RTCB: variants seen among roughly 807,000 people sequenced by gnomAD.
RTCB encodes RNA-splicing ligase RTCB.
Under a neutral mutation model 58.2 loss-of-function variants are expected in RTCB, and 32 were observed. That is an observed-to-expected ratio of 0.55 (90% CI 0.41 to 0.74). The LOEUF is 0.74. Among genes scored for constraint, RTCB ranks in the 30% least tolerant of loss-of-function variants. RTCB has a pLI of 0.00. For missense variants in RTCB, 523 were observed against 639.0 expected (o/e 0.82, Z 1.96); for synonymous variants, 247 against 218.6 (o/e 1.13, Z -1.15).
rs1431111447 is a variant in RTCB at position 32,395,067 on chromosome 22, C to T, written c.1138G>A (p.Ala380Thr). Reference protein sequence around the residue: ...LLVHRKGSTRAFPPHHPLIAV... With the variant: ...LLVHRKGSTRTFPPHHPLIAV... ...ATGAGGGGATGGTGAGGAGGGAAAG[C>T]GCGGGTGGATCCCTTCCTGTGTACT... The change falls in exon 9 of 12, where the codon GCT becomes ACT. Residue 380 changes from alanine to threonine, a missense_variant. Around this residue, in one of 3 missense-constraint regions of RTCB, gnomAD observed 248 missense variants for 292.5 expected, o/e 0.85. Transcript: ENST00000216038. The T allele has an allele frequency of 6.8e-6, 11 of 1,614,012 alleles. No homozygotes were observed. The East Asian group carries it at 1.1e-4, about 16-fold the overall frequency.
chr22:32,406,036 C>CA (rs1452077646), intron 4 of RTCB, among the ~76,000 whole-genome samples: 1 of 152,036 alleles, frequency 6.6e-6, no homozygotes, highest in African/African-American at 2.4e-5. Flanking sequence ...ACTGTGTGGT[C>CA]ATTAACATTA....
At chr22:32,404,941 C>A (rs80263097) in intron 4 of RTCB, among the ~76,000 whole-genome samples, 4 of 152,166 alleles carry the variant, frequency 2.6e-5, no homozygotes, top group Admixed American at 1.3e-4. Flanking sequence ...CCCGCCTTGG[C>A]CTCCCAAAGT....
At position 32,406,567 on chromosome 22, in the gene RTCB, C is replaced by T. The variant is rs976703595; in HGVS notation, c.340+95G>A. 43 of 740,504 alleles carry T rather than the reference C, an allele frequency of 5.8e-5. 1 individual carries two copies. The highest frequency in any genetic ancestry group is 5.0e-4 in the Middle Eastern group (2 of 3,982). The allele number at this position is 740,504 out of a possible 1,614,324, so 45.9% of individuals were successfully genotyped here. Reference sequence around the variant, plus strand: ...TGATCTCTTGACCTCATGATCCACCCGCCTCGGCCTCCCAAAGTGCTGGGA... The same window carrying T: ...TGATCTCTTGACCTCATGATCCACCTGCCTCGGCCTCCCAAAGTGCTGGGA... On this transcript the variant is annotated intron_variant, in intron 4 of 11. Transcript: ENST00000216038.
At chr22:32,401,295 C>T (rs1933332060) in intron 5 of RTCB, among the ~76,000 whole-genome samples, 1 of 151,770 alleles carries the variant, frequency 6.6e-6, no homozygotes, top group Admixed American at 6.6e-5. Flanking sequence ...TCTATGTTGC[C>T]TAGGTTCATC....
In RTCB at chr22:32,387,821, A is replaced by C. The variant is rs914213120; in HGVS notation, c.*171T>G. 2 of 549,910 alleles carry C rather than the reference A, an allele frequency of 3.6e-6. No individual in the cohort carries two copies. The highest frequency in any genetic ancestry group is 3.8e-5 in the African/African-American group (2 of 53,138). 34.1% of individuals were successfully genotyped at this position (549,910 alleles called of 1,614,324 possible). A position where few individuals can be genotyped will look rare whatever the true frequency, so the allele number is the denominator to read the frequency against. On this transcript the variant is annotated 3_prime_UTR_variant, in exon 12 of 12. Transcript: ENST00000216038. Reference sequence around the variant, plus strand: ...CCTCTTCCTGGAAGGTTATTTTACAAGCACGGGCCCCTGAAAGCAGCAGCC... The same window carrying C: ...CCTCTTCCTGGAAGGTTATTTTACACGCACGGGCCCCTGAAAGCAGCAGCC...
rs775258897 is a variant in RTCB at position 32,401,914 on chromosome 22, G to C, written c.341-11C>G. On this transcript the variant is annotated splice_polypyrimidine_tract_variant and intron_variant, in intron 4 of 11. Transcript: ENST00000216038. ...CAAACCCGACACCACCTACAAAATA[G>C]AGAAAAGTTAGCAAAACCAGCTGGT... is the stretch of plus-strand genomic sequence containing the variant. 1 of 1,611,974 alleles carries C rather than the reference G, an allele frequency of 6.2e-7. No homozygotes were observed. The highest frequency in any genetic ancestry group is 1.1e-5 in the South Asian group (1 of 90,928).
chr22:32,411,165 G>T (rs897681097), intron 1 of RTCB, among the ~76,000 whole-genome samples: 2 of 152,168 alleles, frequency 1.3e-5, no homozygotes, highest in African/African-American at 4.8e-5. Context: ...CTTTGATTCT[G>T]AATAAAAGAA....
In RTCB at chr22:32,398,096, C is replaced by A; in HGVS notation, c.659G>T (p.Gly220Val). Residue 220 changes from glycine to valine, a missense_variant, in exon 7 of 12, where the codon GGG becomes GTG. Physicochemically the swap from Gly to Val is moderately radical, Grantham distance 109. Around this residue, in one of 3 missense-constraint regions of RTCB, gnomAD observed 141 missense variants for 216.7 expected, o/e 0.65. Coordinates refer to ENST00000216038, the MANE Select transcript of RTCB (RefSeq NM_014306.5). ...RAKKRGLPQL[G>V]TLGAGNHYAE... Reference sequence around the variant, plus strand: ...ATAATGGTTGCCTGCTCCCAGGGTCCCCAACTGCAAATGTAAAAATGTCTG... The same window carrying A: ...ATAATGGTTGCCTGCTCCCAGGGTCACCAACTGCAAATGTAAAAATGTCTG... 1 of 1,611,720 alleles carries A rather than the reference C, an allele frequency of 6.2e-7. No individual in the cohort carries two copies.
chr22:32,402,538 C>T (rs1009209873), intron 4 of RTCB, among the ~76,000 whole-genome samples: 2 of 151,810 alleles, frequency 1.3e-5, no homozygotes, highest in Non-Finnish European at 2.9e-5. Flanking sequence ...CAACCTCCGC[C>T]TCCTGCATTC....
chr22:32,406,838 T>A, intron 3 of RTCB, 77 bp from the exon 4 acceptor site: 1 of 972,142 alleles, frequency 1.0e-6, no homozygotes, highest in East Asian at 2.5e-5. Context: ...TGACACTGAT[T>A]CTCAAACAGG....
At chr22:32,411,199 T>G (rs1303174430) in intron 1 of RTCB, among the ~76,000 whole-genome samples, 1 of 152,258 alleles carries the variant, frequency 6.6e-6, no homozygotes, top group Non-Finnish European at 1.5e-5. Context: ...GGGAGCTGTT[T>G]ACCAAGACGT....
chr22:32,400,428 C>T (rs375368754), intron 5 of RTCB, among the ~76,000 whole-genome samples: 1 of 152,178 alleles, frequency 6.6e-6, no homozygotes, highest in African/African-American at 2.4e-5. Flanking sequence ...GTTCTCTCCC[C>T]ACTACCCCAG....
At chr22:32,411,678 T>C (rs1040738064) in intron 1 of RTCB, among the ~76,000 whole-genome samples, 4 of 152,154 alleles carry the variant, frequency 2.6e-5, no homozygotes, top group Non-Finnish European at 5.9e-5. Context: ...AGGAGGTGAA[T>C]TCCAGTCCCA....
At position 32,395,284 on chromosome 22, in the gene RTCB, C is replaced by G. The variant is rs1569440776; in HGVS notation, c.991-70G>C. 3 of 1,352,546 alleles carry G rather than the reference C, an allele frequency of 2.2e-6. No homozygotes were observed. The East Asian group carries it at 7.3e-5, about 33-fold the overall frequency. The allele number at this position is 1,352,546 out of a possible 1,614,324, so 83.8% of individuals were successfully genotyped here. On this transcript the variant is annotated intron_variant, in intron 8 of 11. Coordinates refer to ENST00000216038, the MANE Select transcript of RTCB (RefSeq NM_014306.5). ...TTATGTTCAGCTCTTCGTGACTCAT[C>G]TCACTGGTTTCAGGTAGTCTGTTCT...
In RTCB at chr22:32,399,631, G is replaced by A. The variant is rs1933302354; in HGVS notation, c.626C>T (p.Ala209Val). ...MLQADPNKVS[A>V]RAKKRGLPQL... ...AGGAAGGCCTCTTTTCTTCGCCCTT[G>A]CAGAAACTTTATTGGGGTCAGCCTG... The change falls in exon 6 of 12, where the codon GCA becomes GTA. Residue 209 changes from alanine (A) to valine (V), a missense_variant. Around this residue, in one of 3 missense-constraint regions of RTCB, gnomAD observed 141 missense variants for 216.7 expected, o/e 0.65. Transcript: ENST00000216038. 1 of 1,613,486 alleles carries A rather than the reference G, an allele frequency of 6.2e-7. No individual in the cohort carries two copies. The highest frequency in any genetic ancestry group is 8.5e-7 in the Non-Finnish European group (1 of 1,179,660).
At chr22:32,402,086 T>C (rs988364985) in intron 4 of RTCB, among the ~76,000 whole-genome samples, 183 bp from the exon 5 acceptor site, 15 of 152,164 alleles carry the variant, frequency 9.9e-5, no homozygotes, top group African/African-American at 3.4e-4. Context: ...TAAAGTAACA[T>C]ACACACTAAA....
chr22:32,389,250 A>G (rs192869869), intron 11 of RTCB, among the ~76,000 whole-genome samples: 29 of 152,252 alleles, frequency 1.9e-4, no homozygotes, highest in African/African-American at 6.7e-4. Context: ...CCCTAGATGA[A>G]TATTTCATAC....
At chr22:32,398,332 C>CAT (rs986951362) in intron 6 of RTCB, among the ~76,000 whole-genome samples, 1 of 152,046 alleles carries the variant, frequency 6.6e-6, no homozygotes, top group African/African-American at 2.4e-5. Context: ...TTGGTATACA[C>CAT]ATATAAAAAA....
At chr22:32,396,981 A>G (rs1440349196) in intron 7 of RTCB, among the ~76,000 whole-genome samples, 1 of 152,182 alleles carries the variant, frequency 6.6e-6, no homozygotes, top group African/African-American at 2.4e-5. Context: ...CGCCCCAGGC[A>G]CAAGTGTTTC....
Sources: gnomAD v4.1 joint callset for allele counts (sites outside exome capture counted in the v4.1 genomes callset) on GRCh38, gnomAD v4.1.1 for gene constraint, gnomAD v4.1.1 regional missense constraint, MANE v1.5 for transcripts, NCBI Gene and HGNC (gene_info 2026-07-23, HGNC 2026-07-21) for gene names.